Variants in SLC39A6 observed in about 807,000 individuals in gnomAD.
SLC39A6 encodes the protein zinc transporter ZIP6.
SLC39A6 carries 51 observed loss-of-function variants against 63.5 expected under a neutral mutation model. The observed-to-expected ratio is 0.80, with a 90% CI of 0.64 to 1.01. The LOEUF is 1.01. SLC39A6 is among the 50% of genes least tolerant of loss of function. The probability of loss-of-function intolerance (pLI) is 0.00; values close to 1 mark genes in which losing one functional copy is unlikely to be tolerated. For missense variants in SLC39A6, 805 were observed against 927.8 expected (o/e 0.87, Z 1.72); for synonymous variants, 318 against 324.7 (o/e 0.98, Z 0.22).
At position 36,129,215 on chromosome 18, in the gene SLC39A6, A is replaced by G. The variant is rs1343767766; in HGVS notation, c.-111T>C. The G allele has an allele frequency of 6.5e-6, 1 of 154,440 alleles. No individual in the cohort carries two copies. The highest frequency in any genetic ancestry group is 1.4e-5 in the Non-Finnish European group (1 of 69,458). The allele number at this position is 154,440 out of a possible 1,614,324, so 9.6% of individuals were successfully genotyped here. ...GAACGGGCCCACTGGTGTCTTCGAG[A>G]AATCTCTACCAGGCGCGAACACGCG... On this transcript the variant is annotated 5_prime_UTR_variant, in exon 1 of 10. Transcript: ENST00000269187.
chr18:36,115,198 T>C (rs112383022), intron 6 of SLC39A6, among the ~76,000 whole-genome samples: 195 of 151,998 alleles, frequency 1.3e-3, no homozygotes, highest in African/African-American at 3.6e-3. Flanking sequence ...TCCCAGCACT[T>C]TGGGAGGCAG....
chr18:36,117,568 C>A (rs924841644), intron 5 of SLC39A6, among the ~76,000 whole-genome samples: 4 of 152,136 alleles, frequency 2.6e-5, no homozygotes, highest in African/African-American at 9.7e-5. Context: ...ACAATGGTGT[C>A]TGTGTATCAT....
intron 2 of SLC39A6, among the ~76,000 whole-genome samples, 198 bp downstream of exon 2, chr18:36,126,021 C>G (rs2089434134): frequency 6.6e-6 from 1 of 152,230 alleles, no homozygotes; most frequent in African/African-American, 2.4e-5. Context: ...AAGAACTGTT[C>G]CCTAAGTTCT....
chr18:36,129,086 G>C (rs1468496818), intron 1 of SLC39A6, 28 bp downstream of exon 1: 1 of 152,586 alleles, frequency 6.6e-6, no homozygotes, highest in African/African-American at 2.4e-5. Context: ...CCTCCCAGCC[G>C]CCCTGCTCCC....
intron 6 of SLC39A6, among the ~76,000 whole-genome samples, chr18:36,114,942 A>C (rs1194499337): frequency 6.6e-6 from 1 of 152,234 alleles, no homozygotes; most frequent in Non-Finnish European, 1.5e-5. Context: ...TCAAGGAAAA[A>C]ACAGAGAATC....
rs199955982 is a variant in SLC39A6, at chr18:36,126,851, G to A, written c.157C>T (p.Arg53Trp). ...AAAAGCTGTTGTAGATGATATTGCC[G>A]TGTGGAAATTGCCAAGTCAACATTA... ...GINVDLAIST[R>W]QYHLQQLFYR... Residue 53 changes from arginine (R) to tryptophan (W), a missense_variant, in exon 2 of 10, where the codon CGG (arginine) becomes TGG (tryptophan). Arg to Trp is a moderately radical substitution (Grantham distance 101). Around this residue, in one of 4 missense-constraint regions of SLC39A6, gnomAD observed 639 missense variants for 644.0 expected, o/e 0.99. Coordinates refer to ENST00000269187, the MANE Select transcript of SLC39A6 (RefSeq NM_012319.4). 21 of 1,614,146 alleles carry A rather than the reference G, an allele frequency of 1.3e-5. No homozygotes were observed. Among genetic ancestry groups the A allele is most frequent in the South Asian group, 5.5e-5 (5 of 91,078 alleles).
intron 3 of SLC39A6, 45 bp downstream of exon 3, chr18:36,124,475 A>C: frequency 7.8e-7 from 1 of 1,276,728 alleles, no homozygotes. Flanking sequence ...GCACAATATA[A>C]ATGAATCTAC....
chr18:36,119,293 T>C (rs575990833), intron 5 of SLC39A6, among the ~76,000 whole-genome samples: 1 of 152,294 alleles, frequency 6.6e-6, no homozygotes, highest in South Asian at 2.1e-4. Flanking sequence ...ACATGTAACA[T>C]TTGCAAAACT....
chr18:36,112,399 C>A, intron 8 of SLC39A6, 102 bp downstream of exon 8: 2 of 798,246 alleles, frequency 2.5e-6, no homozygotes, highest in South Asian at 1.6e-5. Context: ...TATGAGAAGG[C>A]ATGAAATTGA....
chr18:36,126,961 G>C lies in SLC39A6; in HGVS notation c.47C>G (p.Ser16Cys), dbSNP rs769383798. The C allele has an allele frequency of 1.2e-5, 20 of 1,614,096 alleles. No homozygotes were observed. Among genetic ancestry groups the C allele is most frequent in the Non-Finnish European group, 1.6e-5 (19 of 1,180,044 alleles). Residue 16 changes from serine to cysteine, a missense_variant, in exon 2 of 10, where the codon TCT becomes TGT. Physicochemically the swap from Ser to Cys is moderately radical, Grantham distance 112. This residue lies in a region of SLC39A6 where 639 missense variants were observed against 644.0 expected (regional missense o/e 0.99). Coordinates refer to ENST00000269187, the MANE Select transcript of SLC39A6 (RefSeq NM_012319.4). ...SVILILTFAL[S>C]VTNPLHELKA... Reference sequence around the variant, plus strand: ...TAGTTCATGAAGGGGATTTGTGACAGAGAGGGCAAAGGTCAGGATCAAGAT... The same window carrying C: ...TAGTTCATGAAGGGGATTTGTGACACAGAGGGCAAAGGTCAGGATCAAGAT...
intron 3 of SLC39A6, among the ~76,000 whole-genome samples, chr18:36,123,921 G>A (rs558475546): frequency 5.3e-5 from 8 of 152,078 alleles, no homozygotes; most frequent in Admixed American, 3.9e-4. Flanking sequence ...TCTTCAGGTC[G>A]GGGTGAAAGA....
chr18:36,115,981 G>A (rs755855185), intron 6 of SLC39A6, among the ~76,000 whole-genome samples: 4 of 152,088 alleles, frequency 2.6e-5, no homozygotes, highest in South Asian at 2.1e-4. Context: ...ACCATTTTGC[G>A]GTATTCCTGC....
chr18:36,118,838 G>A lies in SLC39A6; in HGVS notation c.1360-2059C>T, dbSNP rs185648513. On this transcript the variant is annotated intron_variant, in intron 5 of 9. Coordinates refer to ENST00000269187, the MANE Select transcript of SLC39A6 (RefSeq NM_012319.4). ...AAATAACGTGGACAGGCTCCTATTA[G>A]GAGGCAGTAACTGTCACTCAGGTGG... Among the ~76,000 whole-genome samples, 672 of 152,302 alleles carry A rather than the reference G, an allele frequency of 4.4e-3. 3 individuals are homozygous for A. Among genetic ancestry groups the A allele is most frequent in the Middle Eastern group, 0.017 (5 of 294 alleles).
chr18:36,110,945 G>C (rs1373509847), intron 9 of SLC39A6, 114 bp downstream of exon 9: 9 of 1,479,282 alleles, frequency 6.1e-6, no homozygotes, highest in Non-Finnish European at 8.1e-6. Context: ...GGACGACATA[G>C]CAAGATTCCA....
rs745867077 is a variant in SLC39A6 at position 36,109,699 on chromosome 18, C to T, written c.2162G>A (p.Arg721His). The change falls in exon 10 of 10, where the codon CGC becomes CAC. Residue 721 changes from arginine (R) to histidine (H), a missense_variant. This residue lies in a region of SLC39A6 where 145 missense variants were observed against 227.2 expected (regional missense o/e 0.64). Coordinates refer to ENST00000269187, the MANE Select transcript of SLC39A6 (RefSeq NM_012319.4). The stretch of plus-strand genomic sequence containing the variant: ...ATTCTGTAAAAAGAAATACCCCCAG[C>T]GGCTACATCCATGGTCACTAGCATC... The part of the protein sequence containing the change: ...HNDASDHGCS[R>H]WGYFFLQNAG... The T allele has an allele frequency of 4.3e-6, 7 of 1,612,164 alleles. No homozygotes were observed. Among genetic ancestry groups the T allele is most frequent in the Non-Finnish European group, 5.9e-6 (7 of 1,178,536 alleles).
In SLC39A6 at chr18:36,126,820, C is replaced by A; in HGVS notation, c.188G>T (p.Arg63Leu). The A allele has an allele frequency of 6.2e-7, 1 of 1,614,116 alleles. No homozygotes were observed. The highest frequency in any genetic ancestry group is 8.5e-7 in the Non-Finnish European group (1 of 1,180,008). ...RQYHLQQLFY[R>L]YGENNSLSVE... ...TGACAAAGAATTATTTTCTCCATAG[C>A]GGTAGAAAAGCTGTTGTAGATGATA... The change falls in exon 2 of 10, where the codon CGC (arginine) becomes CTC (leucine). Residue 63 changes from arginine to leucine, a missense_variant. Arg to Leu is a moderately radical substitution (Grantham distance 102). Transcript: ENST00000269187.
At chr18:36,122,411 A>G in intron 4 of SLC39A6, 141 bp from the exon 5 acceptor site, 2 of 659,102 alleles carry the variant, frequency 3.0e-6, no homozygotes, top group Non-Finnish European at 5.2e-6. Context: ...AGTTTAGGAC[A>G]TTAAAAATAA....
Position 36,111,116 on chromosome 18 carries a change from A to G in SLC39A6, c.2058T>C (p.Ser686=), listed in dbSNP as rs1470672383. ...CAGCAGTAAGTGCAAATATCCACAT[A>G]GAAACATTTTCAGCATAATGACCAA... ...IFIGHYAENV[S]MWIFALTAGL... is the part of the protein sequence containing the mutation. Residue 686 remains serine (S), a synonymous_variant, in exon 9 of 10, where the codon TCT becomes TCC. Transcript: ENST00000269187. The G allele has an allele frequency of 1.2e-5, 19 of 1,614,144 alleles. No individual in the cohort carries two copies. The highest frequency in any genetic ancestry group is 1.4e-5 in the Non-Finnish European group (17 of 1,180,042).
intron 9 of SLC39A6, 151 bp downstream of exon 9, chr18:36,110,908 T>C (rs943703366): frequency 1.6e-6 from 2 of 1,271,950 alleles, no homozygotes; most frequent in African/African-American, 1.5e-5. Flanking sequence ...GAAGGATCAT[T>C]TGGGCTCAGG....
Sources: gnomAD v4.1 joint callset for allele counts (sites outside exome capture counted in the v4.1 genomes callset) on GRCh38, gnomAD v4.1.1 for gene constraint, gnomAD v4.1.1 regional missense constraint, MANE v1.5 for transcripts, NCBI Gene and HGNC (gene_info 2026-07-23, HGNC 2026-07-21) for gene names.